CDH9: variants seen among roughly 807,000 people sequenced by gnomAD.
CDH9 encodes the protein cadherin-9.
A neutral mutation model predicts 70.9 loss-of-function variants in CDH9; 28 were observed. The observed-to-expected ratio is 0.40, with a 90% CI of 0.29 to 0.54. The LOEUF is 0.54. Ranked by LOEUF, CDH9 falls within the 20% of genes least tolerant of loss-of-function variation. The pLI is 0.59. For synonymous variants in CDH9, 409 were observed against 343.1 expected (o/e 1.19, Z -2.12); for missense variants, 874 against 984.4 (o/e 0.89, Z 1.50).
chr5:27,017,443 G>A (rs1003736568), intron 1 of CDH9, among the ~76,000 whole-genome samples: 1 of 151,652 alleles, frequency 6.6e-6, no homozygotes, highest in South Asian at 2.1e-4. Flanking sequence ...TTTTTTTTGG[G>A]GGGGCAAGCT....
chr5:26,907,489 A>G (rs1260605963), intron 3 of CDH9, among the ~76,000 whole-genome samples: 2 of 152,082 alleles, frequency 1.3e-5, no homozygotes, highest in South Asian at 2.1e-4. Flanking sequence ...TTTGTAAATC[A>G]TTATTCTCCA....
intron 2 of CDH9, among the ~76,000 whole-genome samples, chr5:26,969,222 T>C (rs1271720242): frequency 2.0e-5 from 3 of 152,336 alleles, no homozygotes; most frequent in South Asian, 4.1e-4. Context: ...TATTTTCACA[T>C]ATATCTAAGA....
intron 2 of CDH9, among the ~76,000 whole-genome samples, chr5:26,957,231 T>C (rs902042036): frequency 1.3e-5 from 2 of 151,248 alleles, no homozygotes. Flanking sequence ...TAAAAGACTA[T>C]GAATTTTTTA....
chr5:27,013,769 G>A (rs540460791), intron 1 of CDH9, among the ~76,000 whole-genome samples: 1 of 152,060 alleles, frequency 6.6e-6, no homozygotes, highest in East Asian at 1.9e-4. Flanking sequence ...CATTTTAACT[G>A]TAGTTTTTAA....
intron 1 of CDH9, among the ~76,000 whole-genome samples, chr5:27,008,740 T>C (rs1742909223): frequency 6.6e-6 from 1 of 152,164 alleles, no homozygotes; most frequent in Non-Finnish European, 1.5e-5. Context: ...GTTAATGTGA[T>C]TGCATGGTAG....
At chr5:26,945,394 G>T (rs1183968457) in intron 2 of CDH9, among the ~76,000 whole-genome samples, 1 of 151,754 alleles carries the variant, frequency 6.6e-6, no homozygotes, top group African/African-American at 2.4e-5. Context: ...TTTCAAAAAG[G>T]CTAATCTTCA....
chr5:26,992,931 T>A (rs1299152615), intron 1 of CDH9, among the ~76,000 whole-genome samples: 1 of 152,060 alleles, frequency 6.6e-6, no homozygotes, highest in African/African-American at 2.4e-5. Context: ...ACTCTGTCTC[T>A]ACTAAAAATA....
intron 1 of CDH9, among the ~76,000 whole-genome samples, chr5:27,008,189 T>C (rs569285625): frequency 6.6e-6 from 1 of 152,036 alleles, no homozygotes; most frequent in Non-Finnish European, 1.5e-5. Context: ...AGGAGATAAG[T>C]TGACTAAATA....
At chr5:27,022,838 G>A (rs1743161994) in intron 1 of CDH9, among the ~76,000 whole-genome samples, 1 of 152,030 alleles carries the variant, frequency 6.6e-6, no homozygotes, top group African/African-American at 2.4e-5. Context: ...CCAACACAGA[G>A]GACTCCACAT....
chr5:26,881,503 T>A lies in CDH9; in HGVS notation c.2003A>T (p.Asp668Val). ...TGTGCCAATGTCAAAAGCTTGGGTA[T>A]CTTCTTCCCCGCCGCCTTCATCGTT... Reference protein sequence around the residue: ...TYNDEGGGEEDTQAFDIGTLR... With the variant: ...TYNDEGGGEEVTQAFDIGTLR... Residue 668 changes from aspartate to valine, a missense_variant, in exon 12 of 12, where the codon GAT (aspartate) becomes GTT (valine). By Grantham distance (152) the Asp-to-Val change is radical (BLOSUM62 -3). Transcript: ENST00000231021. The A allele has an allele frequency of 6.2e-7, 1 of 1,613,850 alleles. No individual in the cohort carries two copies. The highest frequency in any genetic ancestry group is 8.5e-7 in the Non-Finnish European group (1 of 1,179,820).
intron 2 of CDH9, among the ~76,000 whole-genome samples, chr5:26,969,208 C>T (rs982807802): frequency 6.6e-6 from 1 of 152,126 alleles, no homozygotes; most frequent in Admixed American, 6.5e-5. Context: ...TATTCTTGTA[C>T]ATGTATTTTC....
intron 2 of CDH9, among the ~76,000 whole-genome samples, chr5:26,916,151 G>C (rs1211752248): frequency 6.6e-6 from 1 of 151,834 alleles, no homozygotes; most frequent in African/African-American, 2.4e-5. Context: ...TTAAAATAAT[G>C]TGAAAATTAA....
At chr5:26,911,211 C>T (rs1018547494) in intron 3 of CDH9, among the ~76,000 whole-genome samples, 3 of 152,086 alleles carry the variant, frequency 2.0e-5, no homozygotes, top group Non-Finnish European at 4.4e-5. Flanking sequence ...CCTCATGATA[C>T]ATGTGGGATG....
Position 26,988,197 on chromosome 5 carries a change from T to A in CDH9, c.137A>T (p.Lys46Ile). Residue 46 changes from lysine (K) to isoleucine (I), a missense_variant, in exon 2 of 12, where the codon AAA (lysine) becomes ATA (isoleucine). Lys to Ile is a moderately radical substitution (Grantham distance 102, BLOSUM62 -3). Coordinates refer to ENST00000231021, the MANE Select transcript of CDH9 (RefSeq NM_016279.4). ...GCCACGCTTGGTGCGACGTAGCATT[T>A]TACCGTCATCTTTTGTCAGACCCGC... ...KIAGLTKDDGKMLRRTKRGWM... is the reference protein window; with the variant it reads ...KIAGLTKDDGIMLRRTKRGWM... The A allele has an allele frequency of 6.2e-7, 1 of 1,613,528 alleles. No individual in the cohort carries two copies. The highest frequency in any genetic ancestry group is 8.5e-7 in the Non-Finnish European group (1 of 1,179,642).
chr5:27,025,726 C>T (rs917470101), intron 1 of CDH9, among the ~76,000 whole-genome samples: 2 of 151,914 alleles, frequency 1.3e-5, no homozygotes, highest in Admixed American at 6.6e-5. Context: ...TGACCTTTGG[C>T]GACATTTGAG....
At chr5:26,885,270 G>C (rs755964006) in intron 11 of CDH9, among the ~76,000 whole-genome samples, 9 of 152,054 alleles carry the variant, frequency 5.9e-5, no homozygotes, top group Non-Finnish European at 1.2e-4. Flanking sequence ...TAGAAGAAAA[G>C]TATTTACCTT....
intron 1 of CDH9, among the ~76,000 whole-genome samples, chr5:27,022,734 C>A (rs1743160436): frequency 1.3e-5 from 2 of 152,072 alleles, no homozygotes; most frequent in South Asian, 4.2e-4. Flanking sequence ...AAACCACATT[C>A]TTTTTATACA....
chr5:27,035,966 A>G lies in CDH9; in HGVS notation c.-50+2497T>C, dbSNP rs572174949. On this transcript the variant is annotated intron_variant, in intron 1 of 11. Coordinates refer to ENST00000231021, the MANE Select transcript of CDH9 (RefSeq NM_016279.4). ...AACAAGTTACAGCCAATGTTTATTC[A>G]TGACACATTCACACATATTTTTAAA... Among the ~76,000 whole-genome samples the G allele has an allele frequency of 3.3e-5, 5 of 151,960 alleles. No homozygotes were observed. The East Asian group carries it at 7.8e-4, about 24-fold the overall frequency.
At chr5:26,910,940 G>A (rs2111999255) in intron 3 of CDH9, among the ~76,000 whole-genome samples, 1 of 152,290 alleles carries the variant, frequency 6.6e-6, no homozygotes, top group East Asian at 1.9e-4. Flanking sequence ...TAGGGGTGAT[G>A]TTTTCAGACA....
Sources: allele counts gnomAD v4.1 joint callset (sites outside exome capture counted in the v4.1 genomes callset), GRCh38; gene constraint gnomAD v4.1.1; transcripts MANE v1.5; gene names NCBI Gene and HGNC (gene_info 2026-07-23, HGNC 2026-07-21).